TOMM20L: variants seen among roughly 807,000 people sequenced by gnomAD.
TOMM20L encodes the protein TOMM20-like protein 1.
Under a neutral mutation model 20.4 loss-of-function variants are expected in TOMM20L, and 19 were observed. The observed-to-expected ratio is 0.93, with a 90% CI of 0.65 to 1.36. The LOEUF is 1.36. TOMM20L is among the 40% of genes most tolerant of loss of function. TOMM20L has a pLI of 0.00. For missense variants in TOMM20L, 218 were observed against 203.7 expected (o/e 1.07, Z -0.43); for synonymous variants, 75 against 79.6 (o/e 0.94, Z 0.30).
chr14:58,409,073 G>C (rs1042767340), downstream of TOMM20L: 6 of 1,613,538 alleles, frequency 3.7e-6, no homozygotes, highest in Non-Finnish European at 5.1e-6. Context: ...TGGCTGCCAG[G>C]GCTTCATTCT....
At chr14:58,397,597 G>A (rs2035944557) in intron 2 of TOMM20L, among the ~76,000 whole-genome samples, 1 of 152,178 alleles carries the variant, frequency 6.6e-6, no homozygotes, top group Non-Finnish European at 1.5e-5. Context: ...ACAGGATGGA[G>A]GGAACAGCAT....
chr14:58,410,221 C>G (rs980142785), downstream of TOMM20L, among the ~76,000 whole-genome samples: 4 of 152,008 alleles, frequency 2.6e-5, no homozygotes, highest in Non-Finnish European at 4.4e-5. Context: ...CAGGCATGTA[C>G]CAACATGTCT....
Position 58,407,368 on chromosome 14 carries a change from T to A in TOMM20L, c.305T>A (p.Leu102Ter). 2.5e-6 allele frequency: 4 copies of A among 1,613,546 alleles called. No individual in the cohort carries two copies. Among genetic ancestry groups the A allele is most frequent in the Non-Finnish European group, 3.4e-6 (4 of 1,179,802 alleles). The change falls in exon 4 of 5, where the codon TTA (leucine) becomes TAA (stop). Residue 102 changes from leucine to a stop codon, truncating the protein, a stop_gained. Transcript: ENST00000360945. LOFTEE classifies it high-confidence loss of function. Reference sequence around the variant, plus strand: ...ATTCAACACCTCGGCAATGCCCTTTTAGTGTGCGAGCAACCACGGGAACTT... The same window carrying A: ...ATTCAACACCTCGGCAATGCCCTTTAAGTGTGCGAGCAACCACGGGAACTT... ...MGIQHLGNAL[L>*]VCEQPRELLK...
downstream of TOMM20L, chr14:58,408,921 G>A: frequency 6.9e-7 from 1 of 1,456,984 alleles, no homozygotes; most frequent in Non-Finnish European, 9.2e-7. Context: ...AGTCATGACA[G>A]ATGGTTGAAC....
At chr14:58,410,330 C>G (rs1242903360), downstream of TOMM20L, among the ~76,000 whole-genome samples, 2 of 152,116 alleles carry the variant, frequency 1.3e-5, no homozygotes, top group African/African-American at 4.8e-5. Context: ...CTGCCTTGAC[C>G]TCCCAATGTG....
chr14:58,404,084 T>TATATAC (rs1456596304), intron 3 of TOMM20L, among the ~76,000 whole-genome samples: 2 of 38,962 alleles, frequency 5.1e-5, no homozygotes, highest in African/African-American at 1.3e-4. Context: ...GTACAATGTA[T>TATATAC]ATATACATAT....
Position 58,396,477 on chromosome 14 carries a change from G to T in TOMM20L, c.180+136G>T, listed in dbSNP as rs545782242. On this transcript the variant is annotated intron_variant, in intron 2 of 4. Transcript: ENST00000360945. Reference sequence around the variant, plus strand: ...CGTGCCCGGGAAGAGGCCTGCCCTCGCGCGCCACGCACCGCCTCAGGCCCA... The same window carrying T: ...CGTGCCCGGGAAGAGGCCTGCCCTCTCGCGCCACGCACCGCCTCAGGCCCA... 53 of 888,588 alleles carry T rather than the reference G, an allele frequency of 6.0e-5. No individual in the cohort carries two copies. The East Asian group carries it at 1.5e-3, about 25-fold the overall frequency. The allele number at this position is 888,588 out of a possible 1,614,324, so 55.0% of individuals were successfully genotyped here.
intron 2 of TOMM20L, among the ~76,000 whole-genome samples, chr14:58,397,682 G>A (rs2035945480): frequency 6.6e-6 from 1 of 152,184 alleles, no homozygotes; most frequent in African/African-American, 2.4e-5. Context: ...TCATACTGAG[G>A]AATAGTGGGT....
At chr14:58,416,057 A>G in the TOMM20L span, among the ~76,000 whole-genome samples, 1 of 150,836 alleles carries the variant, frequency 6.6e-6, no homozygotes, top group East Asian at 1.9e-4. Flanking sequence ...CCCTACTGAA[A>G]AAAAAAAAAA....
chr14:58,396,534 A>G (rs1186907791), intron 2 of TOMM20L, among the ~76,000 whole-genome samples, 193 bp downstream of exon 2: 1 of 152,236 alleles, frequency 6.6e-6, no homozygotes, highest in Non-Finnish European at 1.5e-5. Context: ...GGAGGGAAGG[A>G]AGGAGGAAGA....
intron 3 of TOMM20L, among the ~76,000 whole-genome samples, chr14:58,404,133 T>A (rs1464090581): frequency 3.6e-4 from 2 of 5,514 alleles, no homozygotes; most frequent in Non-Finnish European, 1.4e-3. Flanking sequence ...TTTTTTTTTT[T>A]TTTTTTTTTT....
chr14:58,408,967 G>A (rs1266022778), downstream of TOMM20L: 6 of 1,568,634 alleles, frequency 3.8e-6, no homozygotes, highest in Non-Finnish European at 5.2e-6. Flanking sequence ...TCTATCAGAT[G>A]AGTCCTCATT....
In TOMM20L at chr14:58,408,512, T is replaced by C. The variant is rs774047072; in HGVS notation, c.406-17T>C. On this transcript the variant is annotated splice_polypyrimidine_tract_variant and intron_variant, in intron 4 of 4. Transcript: ENST00000360945. ...CATTGAAATGATTAGCAAGTAACTA[T>C]TTTATGTATTCACCAGCAATTTGAG... 8.1e-6 allele frequency: 13 copies of C among 1,612,200 alleles called. No individual in the cohort carries two copies. In the East Asian group the frequency reaches 2.9e-4, roughly 36 times the overall value.
chr14:58,409,768 C>G (rs1378317357), downstream of TOMM20L, among the ~76,000 whole-genome samples: 1 of 151,344 alleles, frequency 6.6e-6, no homozygotes, highest in African/African-American at 2.4e-5. Flanking sequence ...TTAGTAGAGA[C>G]GGGGTTTCAC....
At chr14:58,409,903 TTCTC>T (rs1183710094), downstream of TOMM20L, among the ~76,000 whole-genome samples, 1 of 151,854 alleles carries the variant, frequency 6.6e-6, no homozygotes, top group Non-Finnish European at 1.5e-5. Flanking sequence ...TTGAGACAGG[TTCTC>T]TCTCTGTTGC....
intron 3 of TOMM20L, among the ~76,000 whole-genome samples, chr14:58,407,125 C>T (rs1243429711): frequency 7.2e-5 from 11 of 152,184 alleles, no homozygotes. Context: ...TGTAATTTGG[C>T]TCAAAATTAA....
chr14:58,407,017 C>CA (rs1314426431), intron 3 of TOMM20L, among the ~76,000 whole-genome samples: 12 of 152,160 alleles, frequency 7.9e-5, no homozygotes, highest in Non-Finnish European at 1.5e-4. Context: ...CAACTGCTTA[C>CA]AAAAAACCTC....
chr14:58,413,748 C>T, the TOMM20L span, among the ~76,000 whole-genome samples: 1 of 152,050 alleles, frequency 6.6e-6, no homozygotes, highest in Non-Finnish European at 1.5e-5. Flanking sequence ...TGGCTCACGC[C>T]TGTAATCCCA....
the TOMM20L span, among the ~76,000 whole-genome samples, chr14:58,417,050 G>A: frequency 2.0e-5 from 3 of 152,132 alleles, 1 homozygote; most frequent in South Asian, 4.1e-4. Flanking sequence ...TAGTGAATAA[G>A]TCTCCCAAGA....
Sources: allele counts gnomAD v4.1 joint callset (sites outside exome capture counted in the v4.1 genomes callset), GRCh38; gene constraint gnomAD v4.1.1; transcripts MANE v1.5; gene names NCBI Gene and HGNC (gene_info 2026-07-23, HGNC 2026-07-21).